The following RANBP2 variants were observed in gnomAD, a reference collection of about 807,000 sequenced individuals.
The protein encoded by RANBP2 is E3 SUMO-protein ligase RanBP2.
A neutral mutation model predicts 303.6 loss-of-function variants in RANBP2; 57 were observed. That is an observed-to-expected ratio of 0.19 (90% CI 0.15 to 0.23). The LOEUF (loss-of-function observed/expected upper bound fraction) is 0.23, where lower values mean the gene tolerates loss of function less well. RANBP2 is among the 10% of genes least tolerant of loss of function. RANBP2 has a pLI of 1.00. For synonymous variants in RANBP2, 1,167 were observed against 1,301.5 expected, an observed-to-expected ratio of 0.90 and a Z score of 2.23; for missense variants, 3,138 against 3,780.8, an observed-to-expected ratio of 0.83 and a Z score of 4.46.
chr2:109,717,506 C>T, the RANBP2 span, among the ~76,000 whole-genome samples: 4 of 151,854 alleles, frequency 2.6e-5, no homozygotes, highest in African/African-American at 7.3e-5. Context: ...CGCTTGAACC[C>T]GGGAGGCAGA....
chr2:108,956,461 C>A, the RANBP2 span, among the ~76,000 whole-genome samples: 20 of 152,328 alleles, frequency 1.3e-4, no homozygotes, highest in African/African-American at 4.8e-4. Context: ...ACTAGCACTG[C>A]ACCAAGAGTC....
At chr2:109,524,700 G>A in the RANBP2 span, among the ~76,000 whole-genome samples, 3 of 151,724 alleles carry the variant, frequency 2.0e-5, no homozygotes, top group Admixed American at 6.6e-5. Context: ...AGCTGAGATC[G>A]CGCCACTGCA....
At chr2:109,492,108 G>A in the RANBP2 span, among the ~76,000 whole-genome samples, 4,277 of 152,186 alleles carry the variant, frequency 0.028, 126 homozygotes, top group African/African-American at 0.07. Flanking sequence ...CGGTGGAAGC[G>A]TGGCCACACA....
intron 3 of RANBP2, 69 bp downstream of exon 3, chr2:108,730,954 G>T (rs1050314134): frequency 1.3e-6 from 2 of 1,518,720 alleles, no homozygotes; most frequent in Admixed American, 3.5e-5. Flanking sequence ...ATTTATATAA[G>T]TAAGTCAAAT....
chr2:108,968,174 T>A, the RANBP2 span, among the ~76,000 whole-genome samples: 3 of 152,124 alleles, frequency 2.0e-5, no homozygotes, highest in Admixed American at 6.5e-5. Flanking sequence ...GTGGAAACTG[T>A]CTCTTCTCAA....
chr2:109,159,318 G>A, the RANBP2 span, among the ~76,000 whole-genome samples: 69 of 152,320 alleles, frequency 4.5e-4, no homozygotes, highest in African/African-American at 1.5e-3. Context: ...CGGTTTCCTC[G>A]TCCTGCCGAG....
chr2:109,545,336 A>T, the RANBP2 span: 2 of 1,494,988 alleles, frequency 1.3e-6, no homozygotes, highest in Non-Finnish European at 1.8e-6. Flanking sequence ...ATCAAAAAGG[A>T]AAAATAAACT....
At chr2:108,728,885 C>T (rs890475294) in intron 1 of RANBP2, among the ~76,000 whole-genome samples, 1 of 152,158 alleles carries the variant, frequency 6.6e-6, no homozygotes, top group African/African-American at 2.4e-5. Flanking sequence ...CTCAGGTGAT[C>T]CGCCCACTTC....
At chr2:108,930,845 A>G in the RANBP2 span, 1 of 1,123,458 alleles carries the variant, frequency 8.9e-7, no homozygotes, top group Non-Finnish European at 1.4e-6. Context: ...CCCTCAGAAG[A>G]ACCCTGTGGA....
At chr2:109,470,269 G>A in the RANBP2 span, among the ~76,000 whole-genome samples, 2 of 152,162 alleles carry the variant, frequency 1.3e-5, no homozygotes, top group African/African-American at 4.8e-5. Flanking sequence ...TTAGAAGGAT[G>A]ACCCACAGCA....
At chr2:108,895,967 T>C in the RANBP2 span, 2 of 152,226 alleles carry the variant, frequency 1.3e-5, no homozygotes, top group Admixed American at 6.5e-5. Context: ...TCATACATGT[T>C]TGAAGTGAAA....
the RANBP2 span, among the ~76,000 whole-genome samples, chr2:109,708,523 G>A: frequency 6.6e-6 from 1 of 152,038 alleles, no homozygotes; most frequent in African/African-American, 2.4e-5. Context: ...CTGGCGTGGT[G>A]GTGCATGCCT....
the RANBP2 span, among the ~76,000 whole-genome samples, chr2:109,486,924 C>T: frequency 2.0e-5 from 3 of 152,190 alleles, no homozygotes; most frequent in Non-Finnish European, 4.4e-5. Context: ...CTAACAGATC[C>T]GGCTGTTTGG....
the RANBP2 span, among the ~76,000 whole-genome samples, chr2:109,657,920 C>A: frequency 2.0e-5 from 3 of 151,570 alleles, no homozygotes; most frequent in East Asian, 5.9e-4. Context: ...GGGTTTAACG[C>A]TATTGGCCAG....
At chr2:109,716,868 G>A in the RANBP2 span, among the ~76,000 whole-genome samples, 3 of 152,186 alleles carry the variant, frequency 2.0e-5, no homozygotes, top group Non-Finnish European at 4.4e-5. Flanking sequence ...CTTTACATAA[G>A]ATAAGGTGAA....
chr2:109,055,548 T>TTTTCG, the RANBP2 span, among the ~76,000 whole-genome samples: 8 of 148,276 alleles, frequency 5.4e-5, no homozygotes, highest in African/African-American at 2.1e-4. Flanking sequence ...TTTTCTTTTC[T>TTTTCG]TTTCTTTTTT....
At chr2:109,340,145 G>T in the RANBP2 span, among the ~76,000 whole-genome samples, 1 of 152,208 alleles carries the variant, frequency 6.6e-6, no homozygotes, top group East Asian at 1.9e-4. Flanking sequence ...GGTGATGTGT[G>T]TAGCTGGCAG....
intron 28 of RANBP2, among the ~76,000 whole-genome samples, 170 bp downstream of exon 28, chr2:108,783,032 A>G (rs1258648773): frequency 6.6e-6 from 1 of 152,120 alleles, no homozygotes; most frequent in African/African-American, 2.4e-5. Flanking sequence ...GCTCCTGCCT[A>G]AAACTTTCAA....
At chr2:109,285,965 A>C in the RANBP2 span, among the ~76,000 whole-genome samples, 1 of 152,124 alleles carries the variant, frequency 6.6e-6, no homozygotes, top group Non-Finnish European at 1.5e-5. Flanking sequence ...CTGAGGGTCC[A>C]TGGCCTGCAG....
Sources: allele counts gnomAD v4.1 joint callset (sites outside exome capture counted in the v4.1 genomes callset), GRCh38; gene constraint gnomAD v4.1.1; transcripts MANE v1.5; gene names NCBI Gene and HGNC (gene_info 2026-07-23, HGNC 2026-07-21).